MAST3: variants seen among roughly 807,000 people sequenced by gnomAD.
MAST3 encodes the protein microtubule associated serine/threonine kinase 3, also known as microtubule-associated serine/threonine-protein kinase 3.
In MAST3, 43 loss-of-function variants were observed where a neutral mutation model predicts 127.0. The ratio of observed to expected loss-of-function variants is 0.34; its 90% CI spans 0.27 to 0.44. The LOEUF (loss-of-function observed/expected upper bound fraction) is 0.44. Ranked by LOEUF, MAST3 falls within the 20% of genes least tolerant of loss-of-function variation. The probability of loss-of-function intolerance (pLI) is 1.00; values close to 1 mark genes in which losing one functional copy is unlikely to be tolerated. For synonymous variants in MAST3, 785 were observed against 809.2 expected (o/e 0.97, Z 0.51); for missense variants, 1,390 against 1,919.1 (o/e 0.72, Z 5.15).
In MAST3 at chr19:18,097,785, C is replaced by T. The variant is rs935854277; in HGVS notation, c.-8C>T. 27 of 1,218,936 alleles carry T rather than the reference C, an allele frequency of 2.2e-5. No individual in the cohort carries two copies. The highest frequency in any genetic ancestry group is 2.7e-5 in the Non-Finnish European group (26 of 979,844). The allele number at this position is 1,218,936 out of a possible 1,614,324, so 75.5% of individuals were successfully genotyped here. On this transcript the variant is annotated 5_prime_UTR_variant, in exon 1 of 28. Transcript: ENST00000687212. The stretch of plus-strand genomic sequence containing the variant: ...GGGGGCGGGCCTGGCGGCGCGGACT[C>T]CCGGGCCATGGACGAGTCGAGCCTC...
At chr19:18,098,079 G>A (rs2037150507) in intron 1 of MAST3, among the ~76,000 whole-genome samples, 1 of 152,194 alleles carries the variant, frequency 6.6e-6, no homozygotes, top group African/African-American at 2.4e-5. Context: ...GGGAGGAAGA[G>A]GCTGAGGGCT....
chr19:18,138,014 GC>G (rs1194646117), intron 19 of MAST3, among the ~76,000 whole-genome samples: 2 of 152,026 alleles, frequency 1.3e-5, no homozygotes, highest in South Asian at 2.1e-4. Context: ...AGACCAGGCT[GC>G]CTGACCAACA....
chr19:18,130,485 T>C lies in MAST3; in HGVS notation c.1224-9T>C. ...TCCGGTCCCAGCAAGCCTGGCCCTCTGTCCCCAGGGCCGTCTACCTGGTGC... is the reference window on the plus strand; with the variant it reads ...TCCGGTCCCAGCAAGCCTGGCCCTCCGTCCCCAGGGCCGTCTACCTGGTGC... On this transcript the variant is annotated splice_polypyrimidine_tract_variant and intron_variant, in intron 13 of 27. Coordinates refer to ENST00000687212, the MANE Select transcript of MAST3 (RefSeq NM_001393504.1). 6.3e-7 allele frequency: 1 copy of C among 1,585,196 alleles called. No homozygotes were observed. Among genetic ancestry groups the C allele is most frequent in the Non-Finnish European group, 8.6e-7 (1 of 1,165,174 alleles).
intron 3 of MAST3, among the ~76,000 whole-genome samples, chr19:18,116,090 CTTTTT>C (rs3048876): frequency 1.2e-5 from 1 of 86,374 alleles, no homozygotes; most frequent in African/African-American, 5.4e-5. Context: ...TTGAAATTAT[CTTTTT>C]TTTTTTTTTT....
In MAST3 at chr19:18,149,782, T is replaced by G; in HGVS notation, c.*56T>G. 1 of 1,599,462 alleles carries G rather than the reference T, an allele frequency of 6.3e-7. No individual in the cohort carries two copies. Among genetic ancestry groups the G allele is most frequent in the Non-Finnish European group, 8.5e-7 (1 of 1,177,436 alleles). ...GTTACGCGTTTTCTTGTGCAATGTT[T>G]TTTCCGTAAAGTCATGCCTGGATGG... On this transcript the variant is annotated 3_prime_UTR_variant, in exon 28 of 28. Transcript: ENST00000687212. This position sits in a 1 kb window ranked among gnomAD's most constrained non-coding sequence, Gnocchi z 5.9.
intron 9 of MAST3, 26 bp from the exon 10 acceptor site, chr19:18,124,239 G>A: frequency 1.3e-6 from 2 of 1,594,280 alleles, no homozygotes; most frequent in African/African-American, 1.3e-5. Flanking sequence ...GGACCTGTGG[G>A]TGATGCCACG....
intron 3 of MAST3, among the ~76,000 whole-genome samples, chr19:18,119,914 G>A (rs1234227747): frequency 6.6e-6 from 1 of 152,160 alleles, no homozygotes; most frequent in Non-Finnish European, 1.5e-5. Context: ...CTCCCTCCCC[G>A]CGAGATTCTC....
At chr19:18,103,285 T>A (rs2037800268) in intron 1 of MAST3, among the ~76,000 whole-genome samples, 1 of 152,122 alleles carries the variant, frequency 6.6e-6, no homozygotes, top group African/African-American at 2.4e-5. Context: ...ATGCCTGTAA[T>A]CCAGCGTTTT....
At chr19:18,121,550 G>A (rs1474113013) in intron 3 of MAST3, 135 bp from the exon 4 acceptor site, 1 of 743,020 alleles carries the variant, frequency 1.3e-6, no homozygotes, top group East Asian at 2.6e-5. Context: ...AACCCAGCTG[G>A]GGGCAGAGTG....
intron 3 of MAST3, among the ~76,000 whole-genome samples, chr19:18,111,185 C>T (rs888885813): frequency 6.6e-6 from 1 of 152,044 alleles, no homozygotes; most frequent in Non-Finnish European, 1.5e-5. Flanking sequence ...AGAAAAGAAC[C>T]AGGGTGACTG....
intron 18 of MAST3, among the ~76,000 whole-genome samples, chr19:18,136,924 C>T (rs545316944): frequency 6.6e-6 from 1 of 152,084 alleles, no homozygotes; most frequent in South Asian, 2.1e-4. Flanking sequence ...CAGGTTCGAG[C>T]GATTCTCTTG....
chr19:18,139,450 G>A (rs1260647318), intron 20 of MAST3, among the ~76,000 whole-genome samples: 2 of 151,826 alleles, frequency 1.3e-5, no homozygotes, highest in Admixed American at 6.6e-5. Flanking sequence ...TCAGCCTGCC[G>A]AGTAGCTGGG....
At chr19:18,113,683 A>T (rs2038904340) in intron 3 of MAST3, among the ~76,000 whole-genome samples, 1 of 152,136 alleles carries the variant, frequency 6.6e-6, no homozygotes, top group African/African-American at 2.4e-5. Context: ...GCTGGTCTCA[A>T]ACTCCTGACT....
chr19:18,125,092 G>A (rs1311179807), intron 11 of MAST3, among the ~76,000 whole-genome samples: 1 of 151,772 alleles, frequency 6.6e-6, no homozygotes, highest in East Asian at 1.9e-4. Context: ...GGGCGACAGA[G>A]CGAGACCCTG....
At chr19:18,109,584 A>C (rs151155285) in intron 2 of MAST3, among the ~76,000 whole-genome samples, 2,157 of 151,988 alleles carry the variant, frequency 0.014, 16 homozygotes, top group Middle Eastern at 0.041. Flanking sequence ...ACACCCCCAG[A>C]CCGTGGGGTT....
intron 1 of MAST3, among the ~76,000 whole-genome samples, chr19:18,102,091 A>G (rs981091175): frequency 3.9e-5 from 6 of 151,912 alleles, no homozygotes; most frequent in South Asian, 4.2e-4. Flanking sequence ...CGTGTTAGCC[A>G]GGATGGTCTC....
At chr19:18,138,942 C>A in intron 19 of MAST3, 73 bp from the exon 20 acceptor site, 1 of 1,010,024 alleles carries the variant, frequency 9.9e-7, no homozygotes, top group Non-Finnish European at 1.5e-6. Context: ...AGATGCCCTC[C>A]CCGTATTGCC....
chr19:18,132,188 G>C, intron 15 of MAST3, 141 bp downstream of exon 15: 5 of 1,175,182 alleles, frequency 4.3e-6, no homozygotes, highest in Non-Finnish European at 4.7e-6. Flanking sequence ...AGCTCTGTTG[G>C]TACCTCCTGA....
intron 1 of MAST3, among the ~76,000 whole-genome samples, chr19:18,100,128 C>CTATTTTTTTTTTTTTTTTTTTTTT (rs776661078): frequency 1.6e-5 from 2 of 121,720 alleles, no homozygotes; most frequent in East Asian, 2.6e-4. Context: ...CTCTCTCTCT[C>CTATTTTTTTTTTTTTTTTTTTTTT]TTTTTTTTTT....
Sources: gnomAD v4.1 joint callset for allele counts (sites outside exome capture counted in the v4.1 genomes callset) on GRCh38, gnomAD v4.1.1 for gene constraint, Gnocchi (gnomAD v3.1) non-coding constraint, MANE v1.5 for transcripts, NCBI Gene and HGNC (gene_info 2026-07-23, HGNC 2026-07-21) for gene names.